Variants in USP12 observed in about 807,000 individuals in gnomAD.
The protein encoded by USP12 is ubiquitin specific peptidase 12, also known as ubiquitin carboxyl-terminal hydrolase 12.
USP12 carries 19 observed loss-of-function variants against 45.5 expected under a neutral mutation model. The observed-to-expected ratio is 0.42, with a 90% confidence interval of 0.29 to 0.61. USP12 has a LOEUF of 0.61. Ranked by LOEUF, USP12 falls within the 20% of genes least tolerant of loss-of-function variation. The probability of loss-of-function intolerance (pLI) is 0.22; values close to 1 mark genes in which losing one functional copy is unlikely to be tolerated. For synonymous variants in USP12, 149 were observed against 148.8 expected (o/e 1.00, Z -0.01); for missense variants, 242 against 447.7 (o/e 0.54, Z 4.15).
chr13:27,084,219 A>AC (rs1565983887), intron 6 of USP12, among the ~76,000 whole-genome samples: 38 of 97,188 alleles, frequency 3.9e-4, no homozygotes, highest in African/African-American at 1.5e-3. Flanking sequence ...CACACACACA[A>AC]ATTCCTGTCT....
chr13:27,088,717 G>GT (rs570833826), intron 6 of USP12, among the ~76,000 whole-genome samples: 1 of 152,164 alleles, frequency 6.6e-6, no homozygotes, highest in Non-Finnish European at 1.5e-5. Context: ...AGAATTAATA[G>GT]TCTTTTGTGA....
chr13:27,092,394 A>C (rs1374122116), intron 4 of USP12, among the ~76,000 whole-genome samples: 2 of 152,240 alleles, frequency 1.3e-5, no homozygotes, highest in Admixed American at 1.3e-4. Context: ...GAGAGGCAAA[A>C]GACCCAGAAT....
chr13:27,155,142 C>T (rs944674850), intron 1 of USP12, among the ~76,000 whole-genome samples: 2 of 134,208 alleles, frequency 1.5e-5, no homozygotes, highest in Admixed American at 8.6e-5. Flanking sequence ...AGTGCAGTGG[C>T]GCGATCTCGG....
intron 6 of USP12, among the ~76,000 whole-genome samples, chr13:27,081,009 A>ATTTTT (rs372527345): frequency 9.6e-5 from 11 of 114,626 alleles, no homozygotes; most frequent in Non-Finnish European, 1.4e-4. Flanking sequence ...GGCTGAGGCA[A>ATTTTT]TTTTTTTTTT....
intron 3 of USP12, among the ~76,000 whole-genome samples, chr13:27,105,208 G>T (rs954090507): frequency 6.6e-6 from 1 of 152,046 alleles, no homozygotes; most frequent in African/African-American, 2.4e-5. Flanking sequence ...AGGGGTTGGG[G>T]GATTAAAACT....
intron 1 of USP12, among the ~76,000 whole-genome samples, chr13:27,156,021 G>C (rs1050213575): frequency 6.6e-6 from 1 of 152,030 alleles, no homozygotes. Context: ...AAGCCCTAAT[G>C]AAACACTGGA....
At chr13:27,105,589 T>C (rs2137786190) in intron 3 of USP12, 142 bp downstream of exon 3, 2 of 750,836 alleles carry the variant, frequency 2.7e-6, no homozygotes, top group East Asian at 2.7e-5. Context: ...AGTGCCTCTT[T>C]GAAGAAAGGC....
chr13:27,115,133 T>C (rs1430742501), intron 2 of USP12, among the ~76,000 whole-genome samples: 1 of 152,222 alleles, frequency 6.6e-6, no homozygotes, highest in Non-Finnish European at 1.5e-5. Flanking sequence ...CTTATATTTC[T>C]ACTGATCAAA....
chr13:27,159,792 AC>A (rs1352933041), intron 1 of USP12, among the ~76,000 whole-genome samples: 9 of 152,236 alleles, frequency 5.9e-5, no homozygotes, highest in African/African-American at 1.9e-4. Context: ...ATTCAACTTT[AC>A]AAGTCAGGGA....
At chr13:27,123,375 T>A (rs1876088411) in intron 1 of USP12, among the ~76,000 whole-genome samples, 1 of 152,202 alleles carries the variant, frequency 6.6e-6, no homozygotes, top group Admixed American at 6.5e-5. Context: ...CATTAAAACA[T>A]TAAATATACA....
chr13:27,168,953 G>A (rs76209713), intron 1 of USP12: 11,700 of 152,274 alleles, frequency 0.077, 561 homozygotes, highest in Middle Eastern at 0.16. Context: ...ATTCTGAGAA[G>A]TGTTCTGTTT....
chr13:27,084,412 A>G (rs1873911406), intron 6 of USP12, among the ~76,000 whole-genome samples: 1 of 150,360 alleles, frequency 6.7e-6, no homozygotes, highest in Non-Finnish European at 1.5e-5. Context: ...AGGCTGAGGC[A>G]GGAGAATCGC....
At chr13:27,150,369 C>A (rs1877512851) in intron 1 of USP12, among the ~76,000 whole-genome samples, 1 of 151,776 alleles carries the variant, frequency 6.6e-6, no homozygotes, top group African/African-American at 2.4e-5. Flanking sequence ...AAGAGAATGA[C>A]ATATAAAAGA....
At chr13:27,130,585 T>C (rs1272195152) in intron 1 of USP12, among the ~76,000 whole-genome samples, 1 of 140,120 alleles carries the variant, frequency 7.1e-6, no homozygotes, top group African/African-American at 2.7e-5. Context: ...AAGGAAAATA[T>C]GGTGTATTTG....
At chr13:27,148,676 T>TTTTATA (rs370385217) in intron 1 of USP12, among the ~76,000 whole-genome samples, 110 of 139,432 alleles carry the variant, frequency 7.9e-4, no homozygotes, top group African/African-American at 2.1e-3. Flanking sequence ...AAAAAAAAAA[T>TTTTATA]TATATATATA....
intron 1 of USP12, among the ~76,000 whole-genome samples, 178 bp from the exon 2 acceptor site, chr13:27,116,774 A>G (rs899747073): frequency 6.6e-6 from 1 of 151,658 alleles, no homozygotes; most frequent in African/African-American, 2.4e-5. Context: ...TTACGTTTAG[A>G]TATGTTCAGA....
chr13:27,145,920 A>T (rs1877287684), intron 1 of USP12, among the ~76,000 whole-genome samples: 1 of 152,226 alleles, frequency 6.6e-6, no homozygotes, highest in Non-Finnish European at 1.5e-5. Flanking sequence ...ATATTTAATG[A>T]TCCAGATTTT....
intron 1 of USP12, among the ~76,000 whole-genome samples, chr13:27,171,063 G>A (rs1878576950): frequency 6.7e-6 from 1 of 149,736 alleles, no homozygotes; most frequent in Admixed American, 6.6e-5. Flanking sequence ...CGCCCCGGCC[G>A]AGACCCTTCC....
At chr13:27,115,947 T>C (rs1875711836) in intron 2 of USP12, among the ~76,000 whole-genome samples, 1 of 152,142 alleles carries the variant, frequency 6.6e-6, no homozygotes, top group African/African-American at 2.4e-5. Context: ...ATTTTGGCTA[T>C]GAGAAATTTC....
Sources: allele counts gnomAD v4.1 joint callset (sites outside exome capture counted in the v4.1 genomes callset), GRCh38; gene constraint gnomAD v4.1.1; transcripts MANE v1.5; gene names NCBI Gene and HGNC (gene_info 2026-07-23, HGNC 2026-07-21).